Variants in CFAP54 observed in about 807,000 individuals in gnomAD.
CFAP54 encodes the protein cilia- and flagella-associated protein 54.
A neutral mutation model predicts 370.4 loss-of-function variants in CFAP54; 290 were observed. The ratio of observed to expected loss-of-function variants is 0.78; its 90% CI spans 0.71 to 0.86. The LOEUF (loss-of-function observed/expected upper bound fraction) is 0.86, where lower values mean the gene tolerates loss of function less well. Ranked by LOEUF, CFAP54 falls within the 40% of genes least tolerant of loss-of-function variation. The pLI is 0.00. For synonymous variants in CFAP54, 1,206 were observed against 1,236.5 expected (o/e 0.98, Z 0.52); for missense variants, 3,399 against 3,528.7 (o/e 0.96, Z 0.93).
intron 32 of CFAP54, among the ~76,000 whole-genome samples, chr12:96,635,869 G>A (rs1289167824): frequency 6.6e-6 from 1 of 152,176 alleles, no homozygotes; most frequent in Non-Finnish European, 1.5e-5. Context: ...GAGCACAGGA[G>A]CTACTGTCCC....
intron 52 of CFAP54, 112 bp from the exon 53 acceptor site, chr12:96,743,290 C>G: frequency 9.9e-7 from 1 of 1,014,698 alleles, no homozygotes; most frequent in Non-Finnish European, 1.4e-6. Context: ...TAATATACTC[C>G]CCTGTTCTTT....
intron 60 of CFAP54, among the ~76,000 whole-genome samples, chr12:96,779,358 A>G (rs1446937085): frequency 6.6e-6 from 1 of 151,898 alleles, no homozygotes; most frequent in Non-Finnish European, 1.5e-5. Context: ...GTTCACCCCT[A>G]TGTTTGTGTG....
rs1409983522 is a variant in CFAP54 at position 96,489,701 on chromosome 12, C to T, written c.92C>T (p.Thr31Ile). The change falls in exon 1 of 68, where the codon ACT becomes ATT. Residue 31 changes from threonine to isoleucine, a missense_variant. Transcript: ENST00000524981. ...LPELPPTSTA[T>I]SRSPPESKGS... ...GAACTGCCGCCGACCTCCACCGCGA[C>T]TTCGAGGTCGCCCCCAGAGTCGAAG... 3.1e-5 allele frequency: 48 copies of T among 1,535,946 alleles called. No individual in the cohort carries two copies. Among genetic ancestry groups the T allele is most frequent in the Non-Finnish European group, 4.0e-5 (46 of 1,146,864 alleles).
chr12:96,559,141 G>A (rs1252363894), intron 17 of CFAP54, among the ~76,000 whole-genome samples: 1 of 152,094 alleles, frequency 6.6e-6, no homozygotes, highest in Non-Finnish European at 1.5e-5. Context: ...GCTTGAACCT[G>A]GGAGGCGGAG....
chr12:96,786,671 T>A lies in CFAP54; in HGVS notation c.8456-4T>A. 6.6e-7 allele frequency: 1 copy of A among 1,520,002 alleles called. No homozygotes were observed. Among genetic ancestry groups the A allele is most frequent in the South Asian group, 1.2e-5 (1 of 82,026 alleles). The allele number at this position is 1,520,002 out of a possible 1,614,324, so 94.2% of individuals were successfully genotyped here. A position where few individuals can be genotyped will look rare whatever the true frequency, so the allele number is the denominator to read the frequency against. ...CCTAAACTAAGGTATTTTTCTTTCTTAAGCATCTGCAACACCAGTATCTGG... is the reference window on the plus strand; with the variant it reads ...CCTAAACTAAGGTATTTTTCTTTCTAAAGCATCTGCAACACCAGTATCTGG... On this transcript the variant is annotated splice_region_variant and splice_polypyrimidine_tract_variant and intron_variant, in intron 61 of 67. Coordinates refer to ENST00000524981, the MANE Select transcript of CFAP54 (RefSeq NM_001306084.2).
intron 35 of CFAP54, among the ~76,000 whole-genome samples, chr12:96,650,390 G>A (rs1419950639): frequency 6.6e-6 from 1 of 151,972 alleles, no homozygotes; most frequent in Admixed American, 6.6e-5. Context: ...CCGAGACATG[G>A]GGTTCTCTCA....
chr12:96,726,451 G>A (rs1957837840), intron 50 of CFAP54, among the ~76,000 whole-genome samples: 1 of 152,208 alleles, frequency 6.6e-6, no homozygotes, highest in Admixed American at 6.5e-5. Context: ...AGATTTTCTA[G>A]TTTATTTGCG....
intron 12 of CFAP54, among the ~76,000 whole-genome samples, chr12:96,537,748 G>A (rs759268159): frequency 1.3e-5 from 2 of 152,118 alleles, no homozygotes; most frequent in Non-Finnish European, 2.9e-5. Context: ...AAATGTTTGG[G>A]AATTTTCTTT....
In CFAP54 at chr12:96,860,829, A is replaced by G. The variant is rs538994754; in HGVS notation, c.9182A>G (p.Asp3061Gly). Residue 3061 changes from aspartate (D) to glycine (G), a missense_variant, in exon 67 of 68, where the codon GAT becomes GGT. Asp to Gly is a moderately conservative substitution (Grantham distance 94, BLOSUM62 -1). This residue lies in a region of CFAP54 where 2,796 missense variants were observed against 2,869.7 expected (regional missense o/e 0.97). Coordinates refer to ENST00000524981, the MANE Select transcript of CFAP54 (RefSeq NM_001306084.2). The stretch of plus-strand genomic sequence containing the variant: ...TATGTTTTTCCTCAGGTCCCATTTG[A>G]TATCTCACTGCCGTCTATATTCAAT... ...EPTPLSEVPF[D>G]ISLPSIFNLE... 6.5e-7 allele frequency: 1 copy of G among 1,530,924 alleles called. No individual in the cohort carries two copies. 94.8% of individuals were successfully genotyped at this position (1,530,924 alleles called of 1,614,324 possible). A position where few individuals can be genotyped will look rare whatever the true frequency, so the allele number is the denominator to read the frequency against.
intron 60 of CFAP54, among the ~76,000 whole-genome samples, chr12:96,779,258 A>T (rs1958557791): frequency 6.6e-6 from 1 of 152,076 alleles, no homozygotes; most frequent in Admixed American, 6.6e-5. Flanking sequence ...GCCCCTAGCA[A>T]CCTCTTTTCC....
chr12:96,732,307 T>C (rs1359876834), intron 50 of CFAP54, among the ~76,000 whole-genome samples: 2 of 152,076 alleles, frequency 1.3e-5, no homozygotes, highest in Non-Finnish European at 2.9e-5. Flanking sequence ...AATTTTTGTA[T>C]TTTTAGTAGA....
Position 96,718,476 on chromosome 12 carries a change from A to G in CFAP54, c.6758A>G (p.Tyr2253Cys). The G allele has an allele frequency of 6.3e-7, 1 of 1,579,216 alleles. No individual in the cohort carries two copies. Among genetic ancestry groups the G allele is most frequent in the Non-Finnish European group, 8.7e-7 (1 of 1,149,258 alleles). Reference protein sequence around the residue: ...IYSKDDGSSFYNLTKLKDEIT... With the variant: ...IYSKDDGSSFCNLTKLKDEIT... Reference sequence around the variant, plus strand: ...TCAAAGGATGATGGAAGTTCATTTTATAATCTTACAAAACTTAAAGATGAG... The same window carrying G: ...TCAAAGGATGATGGAAGTTCATTTTGTAATCTTACAAAACTTAAAGATGAG... Residue 2253 changes from tyrosine to cysteine, a missense_variant, in exon 49 of 68, where the codon TAT becomes TGT. Around this residue, in one of 3 missense-constraint regions of CFAP54, gnomAD observed 2,796 missense variants for 2,869.7 expected, o/e 0.97. Transcript: ENST00000524981.
At chr12:96,521,261 A>G (rs1955308317) in intron 6 of CFAP54, among the ~76,000 whole-genome samples, 1 of 152,056 alleles carries the variant, frequency 6.6e-6, no homozygotes, top group African/African-American at 2.4e-5. Flanking sequence ...GTTCTTAATA[A>G]CTCCTTTGAA....
At chr12:96,685,816 T>C (rs1336367591) in intron 42 of CFAP54, among the ~76,000 whole-genome samples, 1 of 152,130 alleles carries the variant, frequency 6.6e-6, no homozygotes, top group Non-Finnish European at 1.5e-5. Flanking sequence ...CTTCCCAAAG[T>C]GCTGGGATTA....
In CFAP54 at chr12:96,863,982, G is replaced by A. The variant is rs550856829; in HGVS notation, c.*14+3030G>A. On this transcript the variant is annotated intron_variant, in intron 67 of 67. Transcript: ENST00000524981. Reference sequence around the variant, plus strand: ...TCTAAAATAGGAGCAACACTCACTGGTTAAAGCTGTAACTTTCTGTGCAAG... The same window carrying A: ...TCTAAAATAGGAGCAACACTCACTGATTAAAGCTGTAACTTTCTGTGCAAG... Among the ~76,000 whole-genome samples, 26 of 152,218 alleles carry A rather than the reference G, an allele frequency of 1.7e-4. No individual in the cohort carries two copies. The South Asian group carries it at 5.4e-3, about 32-fold the overall frequency.
chr12:96,636,443 A>T (rs1208897448), intron 32 of CFAP54, among the ~76,000 whole-genome samples: 2 of 152,010 alleles, frequency 1.3e-5, no homozygotes, highest in East Asian at 3.9e-4. Context: ...TTAACTTTTG[A>T]CTCTCTGCTA....
intron 65 of CFAP54, among the ~76,000 whole-genome samples, chr12:96,826,015 A>G (rs986617706): frequency 6.2e-5 from 9 of 144,470 alleles, no homozygotes; most frequent in African/African-American, 2.0e-4. Context: ...ATTAATATAG[A>G]AATTAATAAT....
intron 63 of CFAP54, among the ~76,000 whole-genome samples, chr12:96,807,082 T>C (rs1045380886): frequency 2.6e-5 from 4 of 152,204 alleles, no homozygotes; most frequent in African/African-American, 9.6e-5. Context: ...CTGCATCATA[T>C]AGTAGGTTCC....
At chr12:96,548,740 A>C (rs367901482) in intron 15 of CFAP54, among the ~76,000 whole-genome samples, 1 of 152,134 alleles carries the variant, frequency 6.6e-6, no homozygotes, top group South Asian at 2.1e-4. Flanking sequence ...CTGTCTGCCA[A>C]TGTTTTTCCC....
Sources: gnomAD v4.1 joint callset for allele counts (sites outside exome capture counted in the v4.1 genomes callset) on GRCh38, gnomAD v4.1.1 for gene constraint, gnomAD v4.1.1 regional missense constraint, MANE v1.5 for transcripts, NCBI Gene and HGNC (gene_info 2026-07-23, HGNC 2026-07-21) for gene names.